Variants in EXOC5 observed in about 807,000 individuals in gnomAD.
The protein encoded by EXOC5 is exocyst complex component 5.
A neutral mutation model predicts 90.8 loss-of-function variants in EXOC5; 17 were observed. The ratio of observed to expected loss-of-function variants is 0.19; its 90% confidence interval spans 0.13 to 0.28. The LOEUF is 0.28. EXOC5 is among the 10% of genes least tolerant of loss of function. The pLI, the probability that EXOC5 is intolerant of heterozygous loss-of-function variation, is 1.00. For missense variants in EXOC5, 569 were observed against 830.6 expected, an observed-to-expected ratio of 0.69 and a Z score of 3.87; for synonymous variants, 260 against 270.0, an observed-to-expected ratio of 0.96 and a Z score of 0.36.
chr14:57,265,963 G>A (rs186441777), intron 1 of EXOC5, among the ~76,000 whole-genome samples: 2 of 152,102 alleles, frequency 1.3e-5, no homozygotes, highest in Admixed American at 1.3e-4. Flanking sequence ...AAATCATTTC[G>A]GTCAACTGAG....
rs527603346 is a variant in EXOC5 at position 57,225,481 on chromosome 14, A to C, written c.1297-3065T>G. ...ACTGTACTAGAAGTCTGGCCAGTAC[A>C]ATAAGGCAAAATAACAAATAAAAGA... is the stretch of plus-strand genomic sequence containing the variant. On this transcript the variant is annotated intron_variant, in intron 12 of 17. Transcript: ENST00000621441. 3.0e-3 allele frequency among the ~76,000 whole-genome samples: 461 copies of C among 152,248 alleles called. 1 individual carries two copies. Among genetic ancestry groups the C allele is most frequent in the Non-Finnish European group, 5.1e-3 (350 of 68,010 alleles).
chr14:57,232,631 C>T, intron 10 of EXOC5, 36 bp downstream of exon 10: 1 of 892,718 alleles, frequency 1.1e-6, no homozygotes, highest in Non-Finnish European at 1.7e-6. Context: ...TTTAAAAAAT[C>T]TGTTATCTAT....
chr14:57,200,757 T>TAAAAA lies in EXOC5; in HGVS notation c.*7847_*7851dup, dbSNP rs3048720. On this transcript the variant is annotated 3_prime_UTR_variant, in exon 18 of 18. Coordinates refer to ENST00000621441, the MANE Select transcript of EXOC5 (RefSeq NM_006544.4). ...AGCTTTACTAATTTGCTCACTACAT[T>TAAAAA]AAAAAAAAAAAAAAAAAACTTCCAC... The TAAAAA allele has an allele frequency of 6.6e-4, 89 of 134,294 alleles. No individual in the cohort carries two copies. The highest frequency in any genetic ancestry group is 2.1e-3 in the African/African-American group (82 of 38,996). 8.3% of individuals were successfully genotyped at this position (134,294 alleles called of 1,614,324 possible). A position where few individuals can be genotyped will look rare whatever the true frequency, so the allele number is the denominator to read the frequency against.
chr14:57,237,342 A>G lies in EXOC5; in HGVS notation c.555T>C (p.Ile185=), dbSNP rs1314912983. Residue 185 remains isoleucine (I), a synonymous_variant, in exon 6 of 18, where the codon ATT becomes ATC. Coordinates refer to ENST00000621441, the MANE Select transcript of EXOC5 (RefSeq NM_006544.4). ...TAAAATAAATACATCACTTACTTGC[A>G]ATTTTGGATTTAACTTCTGAAAATC... is the stretch of plus-strand genomic sequence containing the variant. ...FDRFSEVKSK[I]ASKYHDLECQ... is the part of the protein sequence containing the mutation. 2 of 1,498,530 alleles carry G rather than the reference A, an allele frequency of 1.3e-6. No homozygotes were observed. The highest frequency in any genetic ancestry group is 4.0e-5 in the Admixed American group (2 of 50,234). The allele number at this position is 1,498,530 out of a possible 1,614,324, so 92.8% of individuals were successfully genotyped here. A position where few individuals can be genotyped will look rare whatever the true frequency, so the allele number is the denominator to read the frequency against.
At chr14:57,268,468 G>A in intron 1 of EXOC5, 154 bp downstream of exon 1, 1 of 1,492,040 alleles carries the variant, frequency 6.7e-7, no homozygotes, top group Non-Finnish European at 8.9e-7. Flanking sequence ...CTCCGCCCGC[G>A]CTGACACGGA....
chr14:57,218,828 CTTAT>C (rs887856619), intron 14 of EXOC5, among the ~76,000 whole-genome samples: 20 of 152,128 alleles, frequency 1.3e-4, no homozygotes, highest in African/African-American at 4.3e-4. Flanking sequence ...TATACACCAT[CTTAT>C]TTAATTCTCA....
intron 9 of EXOC5, 111 bp from the exon 10 acceptor site, chr14:57,232,860 A>G (rs924080332): frequency 1.9e-6 from 1 of 529,168 alleles, no homozygotes; most frequent in Admixed American, 3.9e-5. Context: ...TTTCTGACTT[A>G]CAATCCAATC....
At chr14:57,224,591 A>G (rs1883247100) in intron 12 of EXOC5, among the ~76,000 whole-genome samples, 1 of 152,206 alleles carries the variant, frequency 6.6e-6, no homozygotes, top group Admixed American at 6.5e-5. Context: ...TAAAATCCTC[A>G]CACACAAAAA....
intron 4 of EXOC5, among the ~76,000 whole-genome samples, chr14:57,242,051 T>A (rs1285189536): frequency 1.4e-5 from 2 of 145,848 alleles, no homozygotes; most frequent in Non-Finnish European, 3.0e-5. Flanking sequence ...GAGAATGGCA[T>A]GAACCCAGGA....
intron 15 of EXOC5, among the ~76,000 whole-genome samples, chr14:57,212,254 C>T (rs1348274654): frequency 3.9e-5 from 6 of 152,146 alleles, no homozygotes; most frequent in South Asian, 2.1e-4. Flanking sequence ...GAGTATGACA[C>T]GAACAGTTGT....
At chr14:57,209,837 G>A in intron 16 of EXOC5, 55 bp from the exon 17 acceptor site, 3 of 1,342,144 alleles carry the variant, frequency 2.2e-6, no homozygotes, top group Non-Finnish European at 3.1e-6. Flanking sequence ...CTTAGCTAAA[G>A]AGGAAATACA....
Position 57,222,369 on chromosome 14 carries a change from G to A in EXOC5, c.1344C>T (p.Thr448=). ...CAATACATAAAAATTCCACAAGAAT[G>A]GTAAAAATTCTGAAGGCATTCCTTG... ...DLPRNAFRIF[T]ILVEFLCIEH... is the part of the protein sequence containing the mutation. The change falls in exon 13 of 18, where the codon ACC becomes ACT. Residue 448 remains threonine (T), a synonymous_variant. Transcript: ENST00000621441. The A allele has an allele frequency of 6.2e-7, 1 of 1,602,104 alleles. No individual in the cohort carries two copies. The highest frequency in any genetic ancestry group is 8.5e-7 in the Non-Finnish European group (1 of 1,173,040).
At chr14:57,235,621 T>C in intron 7 of EXOC5, 90 bp downstream of exon 7, 1 of 662,202 alleles carries the variant, frequency 1.5e-6, no homozygotes, top group Non-Finnish European at 2.7e-6. Flanking sequence ...AGTTACATAA[T>C]GAATGGGGGA....
intron 12 of EXOC5, among the ~76,000 whole-genome samples, chr14:57,222,763 A>C (rs1482820825): frequency 3.1e-5 from 4 of 128,404 alleles, no homozygotes; most frequent in Admixed American, 7.3e-5. Context: ...ACACACACAC[A>C]TATATATATA....
chr14:57,213,885 A>G (rs73290116), intron 15 of EXOC5, among the ~76,000 whole-genome samples: 36,711 of 151,616 alleles, frequency 0.24, 10,689 homozygotes, highest in African/African-American at 0.7. Flanking sequence ...CAGGAGAATC[A>G]CTTGAACCCA....
Position 57,229,812 on chromosome 14 carries a change from A to G in EXOC5, c.1218T>C (p.His406=), listed in dbSNP as rs1180436846. The G allele has an allele frequency of 1.3e-6, 2 of 1,531,692 alleles. 1 individual carries two copies. Among genetic ancestry groups the G allele is most frequent in the South Asian group, 2.5e-5 (2 of 80,320 alleles). 94.9% of individuals were successfully genotyped at this position (1,531,692 alleles called of 1,614,324 possible). The change falls in exon 12 of 18, where the codon CAT becomes CAC. Residue 406 remains histidine, a synonymous_variant. Coordinates refer to ENST00000621441, the MANE Select transcript of EXOC5 (RefSeq NM_006544.4). ...CTTCTTGGGATAGAAAAGTCTCCCC[A>G]TGAGTATCGATACTTGGCCCAAGTG... ...NLPLGPSIDT[H]GETFLSQEVV...
At chr14:57,227,961 C>T (rs1292001023) in intron 12 of EXOC5, among the ~76,000 whole-genome samples, 163 of 151,348 alleles carry the variant, frequency 1.1e-3, no homozygotes, top group African/African-American at 3.7e-3. Flanking sequence ...CACACACACA[C>T]ACACACACAC....
chr14:57,268,471 G>T, intron 1 of EXOC5, 151 bp downstream of exon 1: 10 of 1,499,600 alleles, frequency 6.7e-6, no homozygotes, highest in Middle Eastern at 1.8e-4. Flanking sequence ...CGCCCGCGCT[G>T]ACACGGAGCT....
intron 12 of EXOC5, among the ~76,000 whole-genome samples, chr14:57,223,081 G>A (rs1231850677): frequency 2.0e-5 from 3 of 151,930 alleles, no homozygotes; most frequent in Admixed American, 6.6e-5. Context: ...TGTAAGATGG[G>A]AATAGTATTA....
Sources: gnomAD v4.1 joint callset for allele counts (sites outside exome capture counted in the v4.1 genomes callset) on GRCh38, gnomAD v4.1.1 for gene constraint, MANE v1.5 for transcripts, NCBI Gene and HGNC (gene_info 2026-07-23, HGNC 2026-07-21) for gene names.